The following ESRP2 variants were observed in gnomAD, a reference collection of about 807,000 sequenced individuals.
ESRP2 encodes RNA binding motif protein 35A.
In ESRP2, 48 loss-of-function variants were observed where a neutral mutation model predicts 78.6. The observed-to-expected ratio is 0.61, with a 90% CI of 0.48 to 0.78. The LOEUF is 0.78. ESRP2 is among the 30% of genes least tolerant of loss of function. ESRP2 has a pLI of 0.00. For missense variants in ESRP2, 863 were observed against 965.9 expected, an observed-to-expected ratio of 0.89 and a Z score of 1.41; for synonymous variants, 383 against 406.7, an observed-to-expected ratio of 0.94 and a Z score of 0.70.
chr16:68,234,083 C>T lies in ESRP2; in HGVS notation c.352G>A (p.Val118Met). 2 of 1,612,930 alleles carry T rather than the reference C, an allele frequency of 1.2e-6. No individual in the cohort carries two copies. Among genetic ancestry groups the T allele is most frequent in the Non-Finnish European group, 1.7e-6 (2 of 1,179,520 alleles). The change falls in exon 3 of 15, where the codon GTG (valine) becomes ATG (methionine). Residue 118 changes from valine to methionine, a missense_variant. By Grantham distance (21) the Val-to-Met change is conservative. Coordinates refer to ENST00000473183, the MANE Select transcript of ESRP2 (RefSeq NM_024939.3). ...TAGGGGCCCCCGCCCAGCAAAGCCA[C>T]ATCCCCGTTCACCAGCTGTGAGAAC... is the stretch of plus-strand genomic sequence containing the variant. ...QQFSQLVNGD[V>M]ALLGGGPYML...
chr16:68,234,027 C>A lies in ESRP2; in HGVS notation c.408G>T (p.Leu136Phe), dbSNP rs372580669. The change falls in exon 3 of 15, where the codon TTG (leucine) becomes TTT (phenylalanine). Residue 136 changes from leucine (L) to phenylalanine (F), a missense_variant. Leu to Phe is a conservative substitution (Grantham distance 22). Transcript: ENST00000473183. ...AGGCCTCGGGGTGCAGGACCTGTCG[C>A]AATAGCTGCTGCCCATCAGTGCAGA... Reference protein sequence around the residue: ...YMLCTDGQQLLRQVLHPEASR... With the variant: ...YMLCTDGQQLFRQVLHPEASR... 6.2e-7 allele frequency: 1 copy of A among 1,614,068 alleles called. No homozygotes were observed. The highest frequency in any genetic ancestry group is 1.1e-5 in the South Asian group (1 of 91,072).
chr16:68,235,802 A>G lies in ESRP2; in HGVS notation c.199-40T>C, dbSNP rs1434664807. 6.2e-7 allele frequency: 1 copy of G among 1,609,738 alleles called. No individual in the cohort carries two copies. The highest frequency in any genetic ancestry group is 2.2e-5 in the East Asian group (1 of 44,748). ...GGAAACCGATCAGCCGCGCCCCTCG[A>G]CCCCGGAAGCTCCCTGGGGACCTCA... On this transcript the variant is annotated intron_variant, in intron 1 of 14. Coordinates refer to ENST00000473183, the MANE Select transcript of ESRP2 (RefSeq NM_024939.3). This position sits in a 1 kb window ranked among gnomAD's most constrained non-coding sequence, Gnocchi z 5.5.
At chr16:68,230,658 T>A in intron 13 of ESRP2, 104 bp from the exon 14 acceptor site, 2 of 1,444,174 alleles carry the variant, frequency 1.4e-6, no homozygotes, top group Non-Finnish European at 1.9e-6. Flanking sequence ...ATTCAGTTCC[T>A]CCCTGAAGCC....
rs145978010 is a variant in ESRP2 at position 68,234,009 on chromosome 16, G to A, written c.426C>T (p.Pro142=). 7.5e-4 allele frequency: 1,205 copies of A among 1,613,964 alleles called. 1 individual carries two copies. The highest frequency in any genetic ancestry group is 9.5e-4 in the Non-Finnish European group (1,119 of 1,179,968). The stretch of plus-strand genomic sequence containing the variant: ...AGGAGCATACCTTCCTGGAGGCCTC[G>A]GGGTGCAGGACCTGTCGCAATAGCT... ...GQQLLRQVLH[P]EASRKNLVLP... is the part of the protein sequence containing the mutation. The change falls in exon 3 of 15, where the codon CCC becomes CCT. Residue 142 remains proline, a synonymous_variant. Transcript: ENST00000473183.
Position 68,231,158 on chromosome 16 carries a change from CT to C in ESRP2, c.1711+19del. On this transcript the variant is annotated intron_variant, in intron 12 of 14. Transcript: ENST00000473183. The surrounding 1 kb of genome is among the most constrained non-coding windows in gnomAD (Gnocchi z 6.0). ...TGGCTACCACAGGCCTCCTCCTCCC[CT>C]AGCCCCTAGGGCACTCACAGGGCAG... 11 of 1,612,624 alleles carry C rather than the reference CT, an allele frequency of 6.8e-6. No homozygotes were observed. The highest frequency in any genetic ancestry group is 9.3e-6 in the Non-Finnish European group (11 of 1,179,742).
At chr16:68,233,058 GC>G (rs2151194450) in intron 5 of ESRP2, 1 of 621,506 alleles carries the variant, frequency 1.6e-6, no homozygotes, top group Non-Finnish European at 2.8e-6. Flanking sequence ...AATTAGGTGG[GC>G]ATGGTGGCAG....
At chr16:68,233,681 C>T (rs1464798209) in intron 4 of ESRP2, 87 bp downstream of exon 4, 1 of 972,066 alleles carries the variant, frequency 1.0e-6, no homozygotes, top group Admixed American at 1.8e-5. Flanking sequence ...TTGTATGTGT[C>T]CATATTACCC....
rs1488975067 is a variant in ESRP2, at chr16:68,231,889, C to T, written c.1212G>A (p.Leu404=). The T allele has an allele frequency of 6.2e-7, 1 of 1,614,008 alleles. No individual in the cohort carries two copies. Among genetic ancestry groups the T allele is most frequent in the Non-Finnish European group, 8.5e-7 (1 of 1,180,000 alleles). The change falls in exon 10 of 15, where the codon CTG becomes CTA. Residue 404 remains leucine, a synonymous_variant. Transcript: ENST00000473183. This position sits in a 1 kb window ranked among gnomAD's most constrained non-coding sequence, Gnocchi z 6.0. ...TGTGCCTGCGCAGTGCAGCCTGTGC[C>T]AGCTCCTCACAAGCAAAGAGGGCGA... ...DAFALFACEE[L]AQAALRRHKG...
In ESRP2 at chr16:68,232,633, C is replaced by G; in HGVS notation, c.765G>C (p.Pro255=). The change falls in exon 7 of 15, where the codon CCG becomes CCC. Residue 255 remains proline (P), a synonymous_variant. Transcript: ENST00000473183. This position sits in a 1 kb window ranked among gnomAD's most constrained non-coding sequence, Gnocchi z 5.2. ...SETVVRARGL[P]WQSSDQDVAR... ...CCACGTCCTGGTCTGATGACTGCCA[C>G]GGCAACCCACGAGCCCGTACCACAG... is the stretch of plus-strand genomic sequence containing the variant. 1 of 1,614,188 alleles carries G rather than the reference C, an allele frequency of 6.2e-7. No homozygotes were observed. Among genetic ancestry groups the G allele is most frequent in the Non-Finnish European group, 8.5e-7 (1 of 1,180,032 alleles).
Position 68,230,834 on chromosome 16 carries a change from A to C in ESRP2, c.1898+7T>G, listed in dbSNP as rs373486598. 29 of 1,613,998 alleles carry C rather than the reference A, an allele frequency of 1.8e-5. No homozygotes were observed. The highest frequency in any genetic ancestry group is 2.2e-5 in the Non-Finnish European group (26 of 1,179,928). On this transcript the variant is annotated splice_region_variant and intron_variant, in intron 13 of 14. Transcript: ENST00000473183. ...GGGACTGTGATATTCTCTTAGCTGC[A>C]GGGTACCTTGGGTAGTAGGCTGTGT... is the stretch of plus-strand genomic sequence containing the variant.
chr16:68,233,456 CTT>C (rs755618586), intron 4 of ESRP2, 31 bp from the exon 5 acceptor site: 2 of 1,523,088 alleles, frequency 1.3e-6, no homozygotes, highest in South Asian at 2.2e-5. Context: ...GTGAAGACAT[CTT>C]AGCATAAGCA....
In ESRP2 at chr16:68,230,197, AGCTG is replaced by A. The variant is rs764247542; in HGVS notation, c.*25_*28del. On this transcript the variant is annotated 3_prime_UTR_variant, in exon 15 of 15. Coordinates refer to ENST00000473183, the MANE Select transcript of ESRP2 (RefSeq NM_024939.3). ...GAGAGACATGTTCGCCGAGGATATC[AGCTG>A]GCTCTTACCTCCTGGCTTTCTCTCC... is the stretch of plus-strand genomic sequence containing the variant. 6.2e-7 allele frequency: 1 copy of A among 1,603,406 alleles called. No individual in the cohort carries two copies. The highest frequency in any genetic ancestry group is 2.2e-5 in the East Asian group (1 of 44,830).
At chr16:68,230,347 G>T in intron 14 of ESRP2, 32 bp from the exon 15 acceptor site, 1 of 1,614,116 alleles carries the variant, frequency 6.2e-7, no homozygotes, top group Non-Finnish European at 8.5e-7. Context: ...AGGGCAGAGA[G>T]CTCAGCCAGA....
Position 68,232,240 on chromosome 16 carries a change from A to T in ESRP2, c.997+6T>A. 6.2e-7 allele frequency: 1 copy of T among 1,613,836 alleles called. No individual in the cohort carries two copies. Among genetic ancestry groups the T allele is most frequent in the Non-Finnish European group, 8.5e-7 (1 of 1,179,924 alleles). ...GGGAGCCAGGCCCTGTTTGCAGTAT[A>T]CTCACCCCCTGCAATCTTTACAAAC... On this transcript the variant is annotated splice_donor_region_variant and intron_variant, in intron 9 of 14. Coordinates refer to ENST00000473183, the MANE Select transcript of ESRP2 (RefSeq NM_024939.3). The surrounding 1 kb of genome is among the most constrained non-coding windows in gnomAD (Gnocchi z 5.2).
chr16:68,230,743 C>G, intron 13 of ESRP2, 98 bp downstream of exon 13: 1 of 1,515,722 alleles, frequency 6.6e-7, no homozygotes, highest in Non-Finnish European at 9.0e-7. Context: ...CCCTTGTCAT[C>G]TCAAGGGAGG....
intron 5 of ESRP2, chr16:68,233,125 G>C: frequency 1.6e-6 from 1 of 607,636 alleles, no homozygotes; most frequent in East Asian, 2.8e-5. Flanking sequence ...CTTGAACCCG[G>C]AAAGTGGAGG....
rs1047113495 is a variant in ESRP2 at position 68,229,912 on chromosome 16, C to A, written c.*314G>T. 7.0e-5 allele frequency: 27 copies of A among 386,750 alleles called. No individual in the cohort carries two copies. The highest frequency in any genetic ancestry group is 1.3e-4 in the South Asian group (3 of 22,710). 24.0% of individuals were successfully genotyped at this position (386,750 alleles called of 1,614,324 possible). A position where few individuals can be genotyped will look rare whatever the true frequency, so the allele number is the denominator to read the frequency against. ...CGTGGACCTGTCAGCCCCACGATATCTGTCGGCATGGGCCACAGCCAGGAC... is the reference window on the plus strand; with the variant it reads ...CGTGGACCTGTCAGCCCCACGATATATGTCGGCATGGGCCACAGCCAGGAC... On this transcript the variant is annotated 3_prime_UTR_variant, in exon 15 of 15. Transcript: ENST00000473183.
At chr16:68,230,669 C>T in intron 13 of ESRP2, 115 bp from the exon 14 acceptor site, 1 of 1,426,014 alleles carries the variant, frequency 7.0e-7, no homozygotes, top group Non-Finnish European at 9.5e-7. Context: ...CCCTGAAGCC[C>T]CAGCCTCTAC....
At chr16:68,234,386 G>C (rs374641919) in intron 2 of ESRP2, 17 of 381,894 alleles carry the variant, frequency 4.5e-5, no homozygotes, top group East Asian at 3.0e-4. Flanking sequence ...AGTTTGGAGT[G>C]GGGCCAGAGC....
Sources: allele counts gnomAD v4.1 joint callset, GRCh38; gene constraint gnomAD v4.1.1; non-coding constraint Gnocchi (gnomAD v3.1); transcripts MANE v1.5; gene names NCBI Gene and HGNC (gene_info 2026-07-23, HGNC 2026-07-21).